Variants in CORIN observed in about 807,000 individuals in gnomAD.
CORIN encodes corin, serine peptidase.
CORIN carries 117 observed loss-of-function variants against 125.3 expected under a neutral mutation model. The observed-to-expected ratio is 0.93, with a 90% CI of 0.80 to 1.09. The LOEUF (loss-of-function observed/expected upper bound fraction) is 1.09. CORIN is among the 50% of genes least tolerant of loss of function. The pLI is 0.00. For missense variants in CORIN, 1,253 were observed against 1,306.7 expected, an observed-to-expected ratio of 0.96 and a Z score of 0.63; for synonymous variants, 450 against 466.4, an observed-to-expected ratio of 0.96 and a Z score of 0.45.
intron 16 of CORIN, among the ~76,000 whole-genome samples, chr4:47,636,056 C>A (rs1443792652): frequency 6.6e-6 from 1 of 152,068 alleles, no homozygotes; most frequent in East Asian, 1.9e-4. Flanking sequence ...AACCCTTATA[C>A]CAGGGATTAT....
chr4:47,598,056 A>T (rs78926190), intron 21 of CORIN, among the ~76,000 whole-genome samples: 6,347 of 152,272 alleles, frequency 0.042, 189 homozygotes, highest in Middle Eastern at 0.12. Context: ...ATGAAAGGTG[A>T]AAAGCAAGCA....
intron 12 of CORIN, among the ~76,000 whole-genome samples, chr4:47,655,104 C>G (rs367854297): frequency 6.6e-6 from 1 of 152,176 alleles, no homozygotes; most frequent in South Asian, 2.1e-4. Flanking sequence ...AGAAAAGGGC[C>G]CAGCCCTGGC....
intron 5 of CORIN, among the ~76,000 whole-genome samples, chr4:47,723,929 G>T (rs1344621521): frequency 6.7e-6 from 1 of 148,740 alleles, no homozygotes; most frequent in African/African-American, 2.5e-5. Flanking sequence ...CTGGAAGAGG[G>T]AGCTTGCAAT....
In CORIN at chr4:47,594,853, A is replaced by G. The variant is rs1470652724; in HGVS notation, c.*868T>C. 1 of 152,224 alleles carries G rather than the reference A, an allele frequency of 6.6e-6. No homozygotes were observed. Among genetic ancestry groups the G allele is most frequent in the Non-Finnish European group, 1.5e-5 (1 of 68,028 alleles). The allele number at this position is 152,224 out of a possible 1,614,324, so 9.4% of individuals were successfully genotyped here. On this transcript the variant is annotated 3_prime_UTR_variant, in exon 22 of 22. Coordinates refer to ENST00000273857, the MANE Select transcript of CORIN (RefSeq NM_006587.4). Reference sequence around the variant, plus strand: ...TTGCAGTCTCAATCAGCCAACTCATATATCCTGAACAAACCCAGCTATGAG... The same window carrying G: ...TTGCAGTCTCAATCAGCCAACTCATGTATCCTGAACAAACCCAGCTATGAG...
intron 1 of CORIN, among the ~76,000 whole-genome samples, chr4:47,817,050 T>C (rs887503233): frequency 2.6e-5 from 4 of 152,160 alleles, no homozygotes; most frequent in Non-Finnish European, 4.4e-5. Context: ...ACCCTTCCTA[T>C]AGGCATTAAT....
chr4:47,770,242 T>A (rs1729961794), intron 3 of CORIN, among the ~76,000 whole-genome samples: 1 of 151,922 alleles, frequency 6.6e-6, no homozygotes, highest in African/African-American at 2.4e-5. Context: ...GGCCAACAGG[T>A]ATATGAAAAA....
intron 1 of CORIN, among the ~76,000 whole-genome samples, chr4:47,817,668 A>G (rs996764205): frequency 5.3e-5 from 8 of 152,220 alleles, no homozygotes; most frequent in African/African-American, 1.9e-4. Context: ...CAGTCTTAAA[A>G]TAAGTATTAA....
chr4:47,818,682 G>C (rs1282100284), intron 1 of CORIN, among the ~76,000 whole-genome samples: 4 of 151,974 alleles, frequency 2.6e-5, no homozygotes, highest in Non-Finnish European at 4.4e-5. Flanking sequence ...AGACTACCCT[G>C]GGCAACATGG....
chr4:47,823,498 A>C (rs1732610449), intron 1 of CORIN, among the ~76,000 whole-genome samples: 1 of 152,210 alleles, frequency 6.6e-6, no homozygotes, highest in South Asian at 2.1e-4. Context: ...TCTCAGCAGA[A>C]AGAGCTATAT....
intron 20 of CORIN, 24 bp downstream of exon 20, chr4:47,603,373 G>T: frequency 6.2e-7 from 1 of 1,608,970 alleles, no homozygotes; most frequent in Non-Finnish European, 8.5e-7. Flanking sequence ...AGCAGCATGA[G>T]AATGGACTAA....
At chr4:47,679,265 T>C (rs556008229) in intron 8 of CORIN, among the ~76,000 whole-genome samples, 1 of 152,354 alleles carries the variant, frequency 6.6e-6, no homozygotes, top group African/African-American at 2.4e-5. Context: ...AAAGTGTTAA[T>C]AGCCATACTT....
chr4:47,712,192 C>A (rs1173291964), intron 5 of CORIN, among the ~76,000 whole-genome samples: 1 of 152,046 alleles, frequency 6.6e-6, no homozygotes, highest in Non-Finnish European at 1.5e-5. Flanking sequence ...AAACCGGCAT[C>A]ATAATATAGT....
intron 19 of CORIN, among the ~76,000 whole-genome samples, chr4:47,605,419 T>G (rs1353386821): frequency 6.6e-6 from 1 of 152,112 alleles, no homozygotes; most frequent in East Asian, 1.9e-4. Flanking sequence ...AAAGTCAAGG[T>G]CTGTTCTTCA....
intron 1 of CORIN, among the ~76,000 whole-genome samples, chr4:47,836,304 T>C (rs1733405021): frequency 7.0e-6 from 1 of 142,284 alleles, no homozygotes; most frequent in South Asian, 2.3e-4. Flanking sequence ...AATGAATGTT[T>C]TGACTGTGAC....
chr4:47,631,638 C>A (rs528361483), intron 16 of CORIN, among the ~76,000 whole-genome samples: 2 of 152,056 alleles, frequency 1.3e-5, no homozygotes, highest in Admixed American at 6.5e-5. Context: ...ATAAATGTAA[C>A]GTGCTTGAAT....
chr4:47,798,076 C>T (rs1340011506), intron 2 of CORIN, among the ~76,000 whole-genome samples: 2 of 152,164 alleles, frequency 1.3e-5, no homozygotes, highest in Non-Finnish European at 2.9e-5. Context: ...ATATGGACAA[C>T]TCAGACTATC....
chr4:47,814,030 C>T (rs975486971), intron 1 of CORIN, among the ~76,000 whole-genome samples: 9 of 150,748 alleles, frequency 6.0e-5, no homozygotes, highest in African/African-American at 2.2e-4. Context: ...ATGTTAAAAA[C>T]AAACAACTAA....
At chr4:47,633,808 C>A (rs1039786355) in intron 16 of CORIN, among the ~76,000 whole-genome samples, 7 of 152,176 alleles carry the variant, frequency 4.6e-5, no homozygotes, top group Non-Finnish European at 8.8e-5. Context: ...TTCAGAAAGA[C>A]TGTGAACCAG....
At chr4:47,722,493 T>A (rs1161461151) in intron 5 of CORIN, among the ~76,000 whole-genome samples, 2 of 152,196 alleles carry the variant, frequency 1.3e-5, no homozygotes, top group African/African-American at 4.8e-5. Context: ...CATCTGGAGT[T>A]CCAAACACAT....
Sources: allele counts gnomAD v4.1 joint callset (sites outside exome capture counted in the v4.1 genomes callset), GRCh38; gene constraint gnomAD v4.1.1; transcripts MANE v1.5; gene names NCBI Gene and HGNC (gene_info 2026-07-23, HGNC 2026-07-21).